Variants in PCSK2 observed in about 807,000 individuals in gnomAD.
PCSK2 encodes neuroendocrine convertase 2.
In PCSK2, 14 loss-of-function variants were observed where a neutral mutation model predicts 69.7. The ratio of observed to expected loss-of-function variants is 0.20; its 90% CI spans 0.13 to 0.31. The LOEUF (loss-of-function observed/expected upper bound fraction) is 0.31, where lower values mean the gene tolerates loss of function less well. PCSK2 is among the 10% of genes least tolerant of loss of function. The pLI is 1.00. For missense variants in PCSK2, 544 were observed against 842.5 expected (o/e 0.65, Z 4.39); for synonymous variants, 307 against 320.7 (o/e 0.96, Z 0.46).
intron 3 of PCSK2, among the ~76,000 whole-genome samples, 199 bp from the exon 4 acceptor site, chr20:17,360,333 T>C (rs1288494875): frequency 9.7e-6 from 1 of 102,938 alleles, no homozygotes; most frequent in Admixed American, 1.1e-4. Flanking sequence ...AAAGTGTTTA[T>C]ACCAAAAAAA....
chr20:17,267,987 A>G (rs1465914042), intron 2 of PCSK2, among the ~76,000 whole-genome samples: 1 of 147,876 alleles, frequency 6.8e-6, no homozygotes, highest in Non-Finnish European at 1.5e-5. Flanking sequence ...TTCCCTCCCC[A>G]ACCTTCCCCA....
intron 8 of PCSK2, among the ~76,000 whole-genome samples, chr20:17,449,262 A>G (rs2032759235): frequency 6.6e-6 from 1 of 152,120 alleles, no homozygotes; most frequent in African/African-American, 2.4e-5. Flanking sequence ...GCCCCCCAGC[A>G]GACAGCCCCA....
At chr20:17,381,090 C>T (rs563179125) in intron 5 of PCSK2, among the ~76,000 whole-genome samples, 2 of 152,346 alleles carry the variant, frequency 1.3e-5, no homozygotes, top group East Asian at 3.9e-4. Context: ...TCCTACATGG[C>T]CAAGGCGGAG....
At chr20:17,406,876 A>G (rs1364234605) in intron 5 of PCSK2, among the ~76,000 whole-genome samples, 1 of 152,132 alleles carries the variant, frequency 6.6e-6, no homozygotes, top group East Asian at 1.9e-4. Flanking sequence ...CTCAAGCTTC[A>G]AAAGATTCAT....
chr20:17,309,271 G>T (rs758512494), intron 2 of PCSK2, among the ~76,000 whole-genome samples: 1 of 152,218 alleles, frequency 6.6e-6, no homozygotes, highest in Non-Finnish European at 1.5e-5. Context: ...AAAAGCTGTA[G>T]TGATGAGTGT....
chr20:17,453,566 A>C lies in PCSK2; in HGVS notation c.886-176A>C, dbSNP rs2032865227. Reference sequence around the variant, plus strand: ...TTTTAGATTGAATTCTTCCTGGAAAAAAAAAGTTTCCCACAATGCCCTGCC... The same window carrying C: ...TTTTAGATTGAATTCTTCCTGGAAACAAAAAGTTTCCCACAATGCCCTGCC... On this transcript the variant is annotated intron_variant, in intron 8 of 11. Coordinates refer to ENST00000262545, the MANE Select transcript of PCSK2 (RefSeq NM_002594.5). The surrounding 1 kb of genome is among the most constrained non-coding windows in gnomAD (Gnocchi z 4.0). Among the ~76,000 whole-genome samples, 1 of 152,192 alleles carries C rather than the reference A, an allele frequency of 6.6e-6. No individual in the cohort carries two copies. Among genetic ancestry groups the C allele is most frequent in the Non-Finnish European group, 1.5e-5 (1 of 68,044 alleles).
intron 1 of PCSK2, among the ~76,000 whole-genome samples, chr20:17,232,536 C>A (rs8116844): frequency 6.6e-6 from 1 of 151,948 alleles, no homozygotes; most frequent in African/African-American, 2.4e-5. Context: ...TTGGGTTGTC[C>A]ATCTTCACTT....
intron 2 of PCSK2, among the ~76,000 whole-genome samples, chr20:17,317,732 A>G (rs1204207695): frequency 6.6e-6 from 1 of 152,250 alleles, no homozygotes; most frequent in Non-Finnish European, 1.5e-5. Flanking sequence ...GAAAATAGAA[A>G]TAATAATAAA....
intron 1 of PCSK2, among the ~76,000 whole-genome samples, chr20:17,258,691 A>G (rs965961723): frequency 3.2e-4 from 48 of 152,064 alleles, no homozygotes; most frequent in African/African-American, 1.1e-3. Context: ...AATTTGAAAA[A>G]AGGAGGTAGT....
chr20:17,330,854 A>G (rs1475913257), intron 2 of PCSK2, among the ~76,000 whole-genome samples: 2 of 152,142 alleles, frequency 1.3e-5, no homozygotes, highest in Non-Finnish European at 2.9e-5. Flanking sequence ...GGGTCCAGAG[A>G]GCACATCTTC....
chr20:17,481,135 C>A (rs2033391650), intron 11 of PCSK2, among the ~76,000 whole-genome samples: 1 of 152,052 alleles, frequency 6.6e-6, no homozygotes, highest in Non-Finnish European at 1.5e-5. Context: ...AATCCCAGCA[C>A]TTTGGGAGGC....
In PCSK2 at chr20:17,453,864, C is replaced by T. The variant is rs762559214; in HGVS notation, c.1008C>T (p.Asn336=). 2.5e-6 allele frequency: 4 copies of T among 1,614,132 alleles called. No homozygotes were observed. The highest frequency in any genetic ancestry group is 2.2e-5 in the South Asian group (2 of 91,096). The change falls in exon 9 of 12, where the codon AAC becomes AAT. Residue 336 remains asparagine (N), a synonymous_variant. Transcript: ENST00000262545. The surrounding 1 kb of genome is among the most constrained non-coding windows in gnomAD (Gnocchi z 4.0). Reference sequence around the variant, plus strand: ...CCATCTCCATCAACTCAGCCATCAACGACGGCAGGACTGCCCTGTACGACG... The same window carrying T: ...CCATCTCCATCAACTCAGCCATCAATGACGGCAGGACTGCCCTGTACGACG... ...MWTISINSAI[N]DGRTALYDES...
At chr20:17,267,447 A>G (rs1600427842) in intron 2 of PCSK2, among the ~76,000 whole-genome samples, 1 of 152,194 alleles carries the variant, frequency 6.6e-6, no homozygotes, top group Non-Finnish European at 1.5e-5. Flanking sequence ...GGAAAAATTC[A>G]TCTGTTCTAA....
At chr20:17,402,521 G>A (rs139441391) in intron 5 of PCSK2, among the ~76,000 whole-genome samples, 1,775 of 152,068 alleles carry the variant, frequency 0.012, 19 homozygotes, top group South Asian at 0.038. Context: ...AAATTAGCCA[G>A]GCATGGTGGC....
chr20:17,441,526 A>G (rs1332593307), intron 8 of PCSK2, among the ~76,000 whole-genome samples: 1 of 152,198 alleles, frequency 6.6e-6, no homozygotes, highest in Non-Finnish European at 1.5e-5. Context: ...AAGGCTGGGC[A>G]ATTTACAAAA....
chr20:17,451,520 C>T (rs62202665), intron 8 of PCSK2, among the ~76,000 whole-genome samples: 26 of 152,126 alleles, frequency 1.7e-4, no homozygotes, highest in African/African-American at 5.8e-4. Flanking sequence ...CATGGTGCAA[C>T]GGAGTTCTGG....
At chr20:17,287,456 T>TGG (rs774950914) in intron 2 of PCSK2, among the ~76,000 whole-genome samples, 1 of 150,364 alleles carries the variant, frequency 6.7e-6, no homozygotes, top group Non-Finnish European at 1.5e-5. Flanking sequence ...TGTGTGTGTG[T>TGG]GTGTGTGTTA....
At chr20:17,380,251 C>T (rs2031052137) in intron 5 of PCSK2, among the ~76,000 whole-genome samples, 1 of 152,252 alleles carries the variant, frequency 6.6e-6, no homozygotes, top group African/African-American at 2.4e-5. Context: ...TGAGCACAAA[C>T]TGAATGACTT....
chr20:17,266,663 C>T (rs1276755569), intron 2 of PCSK2, among the ~76,000 whole-genome samples: 3 of 152,154 alleles, frequency 2.0e-5, no homozygotes, highest in African/African-American at 4.8e-5. Context: ...AGGAAGAGAA[C>T]ACTGGGCAAA....
Sources: gnomAD v4.1 joint callset for allele counts (sites outside exome capture counted in the v4.1 genomes callset) on GRCh38, gnomAD v4.1.1 for gene constraint, Gnocchi (gnomAD v3.1) non-coding constraint, MANE v1.5 for transcripts, NCBI Gene and HGNC (gene_info 2026-07-23, HGNC 2026-07-21) for gene names.